The following ZNF462 variants were observed in gnomAD, a reference collection of about 807,000 sequenced individuals.
The protein encoded by ZNF462 is zinc finger PBX1-interacting protein.
A neutral mutation model predicts 201.9 loss-of-function variants in ZNF462; 10 were observed. The ratio of observed to expected loss-of-function variants is 0.05; its 90% CI spans 0.03 to 0.08. The LOEUF (loss-of-function observed/expected upper bound fraction) is 0.08, where lower values mean the gene tolerates loss of function less well. Ranked by LOEUF, ZNF462 falls within the 10% of genes least tolerant of loss-of-function variation. The pLI is 1.00. For missense variants in ZNF462, 2,523 were observed against 3,168.3 expected (o/e 0.80, Z 4.89); for synonymous variants, 1,227 against 1,193.3 (o/e 1.03, Z -0.58).
intron 1 of ZNF462, among the ~76,000 whole-genome samples, chr9:106,864,107 T>TCTCCCTCC (rs1564062903): frequency 1.0e-5 from 1 of 100,332 alleles, no homozygotes; most frequent in Non-Finnish European, 2.1e-5. Context: ...TCTCTCTCTC[T>TCTCCCTCC]CTCCCTCTCC....
Position 106,991,839 on chromosome 9 carries a change from TACACACACAC to T in ZNF462, c.7056+7464_7056+7473del, listed in dbSNP as rs200978759. On this transcript the variant is annotated intron_variant, in intron 10 of 12. Transcript: ENST00000277225. ...GACCCTTGACCTTTACAGCACTCTC[TACACACACAC>T]ACACACACACACACACACACACACA... is the stretch of plus-strand genomic sequence containing the variant. 4.0e-3 allele frequency among the ~76,000 whole-genome samples: 540 copies of T among 136,352 alleles called. 7 individuals are homozygous for T. The highest frequency in any genetic ancestry group is 0.016 in the Admixed American group (219 of 13,364). 89.5% of individuals were successfully genotyped at this position (136,352 alleles called of 152,430 possible).
chr9:107,007,582 C>T (rs979179928), intron 11 of ZNF462, among the ~76,000 whole-genome samples: 2 of 152,224 alleles, frequency 1.3e-5, no homozygotes, highest in African/African-American at 4.8e-5. Flanking sequence ...TCCCTTCCCC[C>T]TCGCCGATCC....
At position 106,929,639 on chromosome 9, in the gene ZNF462, A is replaced by C. The variant is rs1830345486; in HGVS notation, c.5727A>C (p.Ser1909=). Reference sequence around the variant, plus strand: ...TGCAAAGCACAGCCGAGCTGACCTCACACTTGAACATTCACAATGAGGAAT... The same window carrying C: ...TGCAAAGCACAGCCGAGCTGACCTCCCACTTGAACATTCACAATGAGGAAT... The part of the protein sequence containing the change: ...SKLQSTAELT[S]HLNIHNEEFQ... Residue 1909 remains serine (S), a synonymous_variant, in exon 3 of 13, where the codon TCA becomes TCC. Coordinates refer to ENST00000277225, the MANE Select transcript of ZNF462 (RefSeq NM_021224.6). The surrounding 1 kb of genome is among the most constrained non-coding windows in gnomAD (Gnocchi z 8.7). The C allele has an allele frequency of 6.2e-7, 1 of 1,614,216 alleles. No homozygotes were observed. The highest frequency in any genetic ancestry group is 8.5e-7 in the Non-Finnish European group (1 of 1,180,044).
Position 106,927,420 on chromosome 9 carries a change from C to T in ZNF462, c.3508C>T (p.Pro1170Ser). The T allele has an allele frequency of 3.1e-6, 5 of 1,613,888 alleles. No individual in the cohort carries two copies. Among genetic ancestry groups the T allele is most frequent in the Non-Finnish European group, 4.2e-6 (5 of 1,179,944 alleles). The change falls in exon 3 of 13, where the codon CCC becomes TCC. Residue 1170 changes from proline (P) to serine (S), a missense_variant. Around this residue, in one of 15 missense-constraint regions of ZNF462, gnomAD observed 222 missense variants for 271.6 expected, o/e 0.82. Coordinates refer to ENST00000277225, the MANE Select transcript of ZNF462 (RefSeq NM_021224.6). ...VEGPQGSPRPPAPIQQLNRSS... is the reference protein window; with the variant it reads ...VEGPQGSPRPSAPIQQLNRSS... Reference sequence around the variant, plus strand: ...AGGGCCCCAAGGCTCCCCCCGGCCACCCGCCCCCATACAACAGCTGAACCG... The same window carrying T: ...AGGGCCCCAAGGCTCCCCCCGGCCATCCGCCCCCATACAACAGCTGAACCG...
At position 106,925,127 on chromosome 9, in the gene ZNF462, T is replaced by C. The variant is rs748192748; in HGVS notation, c.1215T>C (p.Asp405=). The C allele has an allele frequency of 1.2e-6, 2 of 1,614,186 alleles. No individual in the cohort carries two copies. The highest frequency in any genetic ancestry group is 2.2e-5 in the East Asian group (1 of 44,876). Residue 405 remains aspartate, a synonymous_variant, in exon 3 of 13, where the codon GAT becomes GAC. Coordinates refer to ENST00000277225, the MANE Select transcript of ZNF462 (RefSeq NM_021224.6). This position sits in a 1 kb window ranked among gnomAD's most constrained non-coding sequence, Gnocchi z 7.9. The part of the protein sequence containing the change: ...IDSENGLSAM[D]HQTSGLSAEQ... Reference sequence around the variant, plus strand: ...GTGAGAATGGTTTAAGTGCTATGGATCACCAGACATCAGGCCTGTCTGCAG... The same window carrying C: ...GTGAGAATGGTTTAAGTGCTATGGACCACCAGACATCAGGCCTGTCTGCAG...
Position 107,006,661 on chromosome 9 carries a change from G to A in ZNF462, c.7190-2884G>A, listed in dbSNP as rs1209117136. Among the ~76,000 whole-genome samples the A allele has an allele frequency of 5.3e-5, 8 of 152,018 alleles. No homozygotes were observed. Among genetic ancestry groups the A allele is most frequent in the Non-Finnish European group, 1.0e-4 (7 of 68,010 alleles). On this transcript the variant is annotated intron_variant, in intron 11 of 12. Transcript: ENST00000277225. This position sits in a 1 kb window ranked among gnomAD's most constrained non-coding sequence, Gnocchi z 4.3. Reference sequence around the variant, plus strand: ...CAAGGTGTTCCCTGTTCCTTTTCCTGACTTGCACTCACCCTCCTACCATGA... The same window carrying A: ...CAAGGTGTTCCCTGTTCCTTTTCCTAACTTGCACTCACCCTCCTACCATGA...
At chr9:106,861,419 T>C (rs1827063708), upstream of ZNF462, among the ~76,000 whole-genome samples, 1 of 152,200 alleles carries the variant, frequency 6.6e-6, no homozygotes, top group Non-Finnish European at 1.5e-5. Flanking sequence ...GAGGACAGAC[T>C]TGCCCAGGAT....
chr9:106,904,180 A>C (rs1829172489), intron 1 of ZNF462, among the ~76,000 whole-genome samples: 2 of 152,048 alleles, frequency 1.3e-5, no homozygotes, highest in African/African-American at 4.8e-5. Context: ...TCTTTCCTTC[A>C]TATATTATGC....
At chr9:106,871,581 C>T (rs987458927) in intron 1 of ZNF462, among the ~76,000 whole-genome samples, 1 of 152,124 alleles carries the variant, frequency 6.6e-6, no homozygotes, top group African/African-American at 2.4e-5. Flanking sequence ...AATTTGGTAC[C>T]TAACACATGT....
In ZNF462 at chr9:106,977,382, A is replaced by G. The variant is rs1356592383; in HGVS notation, c.6832+3109A>G. On this transcript the variant is annotated intron_variant, in intron 9 of 12. Transcript: ENST00000277225. The surrounding 1 kb of genome is among the most constrained non-coding windows in gnomAD (Gnocchi z 4.6). ...TGTGGGATGAAAAGCAAGAAAACCA[A>G]CTTCTGAACTGGCCCAGAGACAGAA... is the stretch of plus-strand genomic sequence containing the variant. Among the ~76,000 whole-genome samples the G allele has an allele frequency of 6.6e-6, 1 of 151,556 alleles. No individual in the cohort carries two copies. The highest frequency in any genetic ancestry group is 2.5e-5 in the African/African-American group (1 of 40,816).
In ZNF462 at chr9:106,876,173, G is replaced by A. The variant is rs1013776321; in HGVS notation, c.-31+12818G>A. Among the ~76,000 whole-genome samples, 3 of 152,128 alleles carry A rather than the reference G, an allele frequency of 2.0e-5. No homozygotes were observed. The highest frequency in any genetic ancestry group is 4.4e-5 in the Non-Finnish European group (3 of 68,012). The stretch of plus-strand genomic sequence containing the variant: ...TCCATTACTAGCTGTGGGACCTTGA[G>A]TAAGTCATTTATCCTTTCTGTCCCC... On this transcript the variant is annotated intron_variant, in intron 1 of 12. Transcript: ENST00000277225. This position sits in a 1 kb window ranked among gnomAD's most constrained non-coding sequence, Gnocchi z 4.9.
chr9:106,997,567 C>T (rs1255042290), intron 10 of ZNF462, among the ~76,000 whole-genome samples: 2 of 152,178 alleles, frequency 1.3e-5, no homozygotes, highest in Non-Finnish European at 2.9e-5. Flanking sequence ...GAAGCTTTTA[C>T]AAGAACTCTA....
intron 1 of ZNF462, among the ~76,000 whole-genome samples, chr9:106,910,868 T>A (rs927746613): frequency 2.0e-5 from 3 of 152,278 alleles, no homozygotes; most frequent in Admixed American, 1.3e-4. Context: ...TAACTGAGAG[T>A]TTAGCCCTGC....
chr9:106,872,893 G>A lies in ZNF462; in HGVS notation c.-31+9538G>A, dbSNP rs928293976. 4.6e-5 allele frequency among the ~76,000 whole-genome samples: 7 copies of A among 152,114 alleles called. No individual in the cohort carries two copies. Among genetic ancestry groups the A allele is most frequent in the African/African-American group, 1.7e-4 (7 of 41,424 alleles). ...GACTCATAGTTAATACTGGACAACG[G>A]TTTTTATTTTTTTTTAACATTTAAT... On this transcript the variant is annotated intron_variant, in intron 1 of 12. Transcript: ENST00000277225. The surrounding 1 kb of genome is among the most constrained non-coding windows in gnomAD (Gnocchi z 4.5).
rs1827202906 is a variant in ZNF462, at chr9:106,978,782, C to G, written c.6832+4509C>G. On this transcript the variant is annotated intron_variant, in intron 9 of 12. Transcript: ENST00000277225. The surrounding 1 kb of genome is among the most constrained non-coding windows in gnomAD (Gnocchi z 4.1). ...AAAACTGAACAGTGTACATTTAACC[C>G]AGTTTAGTGGCAAGTCTTTTAGCTT... 6.2e-6 allele frequency: 1 copy of G among 160,564 alleles called. No homozygotes were observed. The highest frequency in any genetic ancestry group is 6.5e-5 in the Admixed American group (1 of 15,420). 9.9% of individuals were successfully genotyped at this position (160,564 alleles called of 1,614,324 possible). A position where few individuals can be genotyped will look rare whatever the true frequency, so the allele number is the denominator to read the frequency against.
rs1045969586 is a variant in ZNF462 at position 106,954,570 on chromosome 9, T to A, written c.6427+15463T>A. ...ATGTTTATACCCAGCCTTTTCTCTT[T>A]CCATCAGCTGCCTCATTCTCCCTAT... is the stretch of plus-strand genomic sequence containing the variant. On this transcript the variant is annotated intron_variant, in intron 7 of 12. Coordinates refer to ENST00000277225, the MANE Select transcript of ZNF462 (RefSeq NM_021224.6). This position sits in a 1 kb window ranked among gnomAD's most constrained non-coding sequence, Gnocchi z 4.0. Among the ~76,000 whole-genome samples the A allele has an allele frequency of 5.9e-5, 9 of 152,112 alleles. No individual in the cohort carries two copies. The highest frequency in any genetic ancestry group is 1.3e-4 in the Non-Finnish European group (9 of 68,018).
intron 10 of ZNF462, among the ~76,000 whole-genome samples, chr9:106,994,904 C>T (rs1265906415): frequency 6.6e-6 from 1 of 152,134 alleles, no homozygotes; most frequent in Non-Finnish European, 1.5e-5. Flanking sequence ...ATTTATTTAT[C>T]TCACCTTTCT....
chr9:106,937,270 T>C (rs1830670132), intron 6 of ZNF462, among the ~76,000 whole-genome samples: 1 of 152,132 alleles, frequency 6.6e-6, no homozygotes, highest in African/African-American at 2.4e-5. Context: ...TATTGTCATA[T>C]ATATATTCAT....
At chr9:106,862,821 C>G (rs562344406), upstream of ZNF462, among the ~76,000 whole-genome samples, 1 of 152,252 alleles carries the variant, frequency 6.6e-6, no homozygotes, top group South Asian at 2.1e-4. The surrounding 1 kb of genome is among the most constrained non-coding windows in gnomAD (Gnocchi z 4.2). Flanking sequence ...TTCCCCTAGC[C>G]TTTTTCCTCA....
Sources: gnomAD v4.1 joint callset for allele counts (sites outside exome capture counted in the v4.1 genomes callset) on GRCh38, gnomAD v4.1.1 for gene constraint, gnomAD v4.1.1 regional missense constraint, Gnocchi (gnomAD v3.1) non-coding constraint, MANE v1.5 for transcripts, NCBI Gene and HGNC (gene_info 2026-07-23, HGNC 2026-07-21) for gene names.